The following SLC25A25 variants were observed in gnomAD, a reference collection of about 807,000 sequenced individuals.
The protein encoded by SLC25A25 is solute carrier family 25 member 25.
Under a neutral mutation model 57.7 loss-of-function variants are expected in SLC25A25, and 32 were observed. The ratio of observed to expected loss-of-function variants is 0.55; its 90% CI spans 0.42 to 0.74. SLC25A25 has a LOEUF of 0.74. SLC25A25 is among the 30% of genes least tolerant of loss of function. The pLI is 0.00. For synonymous variants in SLC25A25, 306 were observed against 291.2 expected (o/e 1.05, Z -0.52); for missense variants, 556 against 701.3 (o/e 0.79, Z 2.34).
At chr9:128,078,179 A>AG (rs1484273158) in intron 1 of SLC25A25, among the ~76,000 whole-genome samples, 3 of 152,120 alleles carry the variant, frequency 2.0e-5, no homozygotes, top group Admixed American at 6.6e-5. Context: ...CTACTGCATA[A>AG]GGGGGGTGTG....
At chr9:128,074,640 C>T (rs970004593) in intron 1 of SLC25A25, among the ~76,000 whole-genome samples, 12 of 151,930 alleles carry the variant, frequency 7.9e-5, no homozygotes, top group Non-Finnish European at 1.6e-4. Flanking sequence ...TCCCAGGAGA[C>T]GGAGGTTGCA....
At chr9:128,096,263 C>T (rs1030870102) in intron 1 of SLC25A25, among the ~76,000 whole-genome samples, 4 of 152,180 alleles carry the variant, frequency 2.6e-5, no homozygotes, top group African/African-American at 7.2e-5. Flanking sequence ...AATCCTAGCA[C>T]TTTGGGAGGC....
chr9:128,083,276 T>C (rs528265202), intron 1 of SLC25A25, among the ~76,000 whole-genome samples: 21 of 149,636 alleles, frequency 1.4e-4, no homozygotes, highest in African/African-American at 4.4e-4. Context: ...TTTGTTTTGG[T>C]TTGGGTTCTG....
chr9:128,107,257 C>T lies in SLC25A25; in HGVS notation c.1364-3C>T. On this transcript the variant is annotated splice_polypyrimidine_tract_variant and splice_region_variant and intron_variant, in intron 10 of 10. Coordinates refer to ENST00000373069, the MANE Select transcript of SLC25A25 (RefSeq NM_001330988.2). ...CATCTGACTGGTGGCCTCCATCCTGCAGCCTCTATTGAGGGCGCTCCGGAG... is the reference window on the plus strand; with the variant it reads ...CATCTGACTGGTGGCCTCCATCCTGTAGCCTCTATTGAGGGCGCTCCGGAG... 6.2e-7 allele frequency: 1 copy of T among 1,607,006 alleles called. No individual in the cohort carries two copies. Among genetic ancestry groups the T allele is most frequent in the East Asian group, 2.2e-5 (1 of 44,686 alleles).
intron 1 of SLC25A25, chr9:128,098,906 A>G (rs1833671763): frequency 5.1e-6 from 5 of 985,430 alleles, no homozygotes; most frequent in Non-Finnish European, 6.0e-6. Context: ...ACCGGTTTTC[A>G]TGTGACTTCC....
At chr9:128,081,958 C>A (rs1833165229) in intron 1 of SLC25A25, among the ~76,000 whole-genome samples, 1 of 152,058 alleles carries the variant, frequency 6.6e-6, no homozygotes, top group Admixed American at 6.6e-5. Context: ...CCAAGCAGAC[C>A]CTTGCTTCTG....
At chr9:128,072,246 A>G (rs1305481611) in intron 1 of SLC25A25, among the ~76,000 whole-genome samples, 2 of 152,234 alleles carry the variant, frequency 1.3e-5, no homozygotes, top group African/African-American at 2.4e-5. Context: ...TAGCATTAGT[A>G]TTAACTGCCT....
intron 1 of SLC25A25, chr9:128,091,843 C>G (rs1378914558): frequency 2.5e-6 from 4 of 1,586,130 alleles, no homozygotes; most frequent in South Asian, 1.1e-5. Flanking sequence ...TGAACAGTCG[C>G]CATCAGAGGC....
intron 1 of SLC25A25, among the ~76,000 whole-genome samples, chr9:128,079,536 A>T (rs963684934): frequency 2.0e-5 from 3 of 148,228 alleles, no homozygotes; most frequent in African/African-American, 7.5e-5. Context: ...AGGCAGGTGG[A>T]TCACTTGAGG....
In SLC25A25 at chr9:128,102,924, G is replaced by A. The variant is rs955349733; in HGVS notation, c.624+443G>A. Reference sequence around the variant, plus strand: ...ACACATTTGCTGCCCTCTCGCCCCCGTCCACTGTGGTTTCATGTTCAGAAA... The same window carrying A: ...ACACATTTGCTGCCCTCTCGCCCCCATCCACTGTGGTTTCATGTTCAGAAA... On this transcript the variant is annotated intron_variant, in intron 5 of 10. Coordinates refer to ENST00000373069, the MANE Select transcript of SLC25A25 (RefSeq NM_001330988.2). This position sits in a 1 kb window ranked among gnomAD's most constrained non-coding sequence, Gnocchi z 4.1. 1.3e-5 allele frequency among the ~76,000 whole-genome samples: 2 copies of A among 152,138 alleles called. No homozygotes were observed. Among genetic ancestry groups the A allele is most frequent in the African/African-American group, 2.4e-5 (1 of 41,416 alleles).
intron 1 of SLC25A25, among the ~76,000 whole-genome samples, chr9:128,087,678 C>G (rs540687265): frequency 1.5e-4 from 23 of 152,354 alleles, no homozygotes; most frequent in African/African-American, 5.1e-4. Context: ...TGGACTCCAG[C>G]TATGGGTGTT....
At position 128,101,416 on chromosome 9, in the gene SLC25A25, C is replaced by A. The variant is rs1347598262; in HGVS notation, c.476+20C>A. The A allele has an allele frequency of 6.2e-7, 1 of 1,613,202 alleles. No homozygotes were observed. The highest frequency in any genetic ancestry group is 1.7e-5 in the Admixed American group (1 of 59,962). ...CAAGAGGTGAGTGCTCAGCCAGCCT[C>A]TGTGTTTGGTTTAAGTGTGATGAAG... is the stretch of plus-strand genomic sequence containing the variant. On this transcript the variant is annotated intron_variant, in intron 3 of 10. Transcript: ENST00000373069. This position sits in a 1 kb window ranked among gnomAD's most constrained non-coding sequence, Gnocchi z 4.9.
chr9:128,108,937 AGTGAGGTGCCTCTCACTGT>A lies in SLC25A25; in HGVS notation c.*1495_*1513del, dbSNP rs1334167327. ...TTCACTCTTTTCTGAATGTCAAGGC[AGTGAGGTGCCTCTCACTGT>A]GAATTTGTGGTGGGCGGGGGCTGGA... On this transcript the variant is annotated 3_prime_UTR_variant, in exon 11 of 11. Transcript: ENST00000373069. 7.0e-6 allele frequency: 1 copy of A among 143,538 alleles called. No homozygotes were observed. Among genetic ancestry groups the A allele is most frequent in the Non-Finnish European group, 1.5e-5 (1 of 65,488 alleles). 8.9% of individuals were successfully genotyped at this position (143,538 alleles called of 1,614,324 possible). A position where few individuals can be genotyped will look rare whatever the true frequency, so the allele number is the denominator to read the frequency against.
At position 128,102,354 on chromosome 9, in the gene SLC25A25, C is replaced by T; in HGVS notation, c.513-16C>T. ...GGGCATGTGGGCACGTGGGCAGCCTCGCCTCTGTCTTGCAGCATGGATAAA... is the reference window on the plus strand; with the variant it reads ...GGGCATGTGGGCACGTGGGCAGCCTTGCCTCTGTCTTGCAGCATGGATAAA... On this transcript the variant is annotated splice_polypyrimidine_tract_variant and intron_variant, in intron 4 of 10. Coordinates refer to ENST00000373069, the MANE Select transcript of SLC25A25 (RefSeq NM_001330988.2). This position sits in a 1 kb window ranked among gnomAD's most constrained non-coding sequence, Gnocchi z 4.1. 7 of 1,606,404 alleles carry T rather than the reference C, an allele frequency of 4.4e-6. No homozygotes were observed. The highest frequency in any genetic ancestry group is 2.2e-5 in the East Asian group (1 of 44,830).
chr9:128,096,681 A>G (rs146093906), intron 1 of SLC25A25, among the ~76,000 whole-genome samples: 269 of 152,338 alleles, frequency 1.8e-3, no homozygotes, highest in Non-Finnish European at 2.9e-3. Flanking sequence ...CTGTTCATGA[A>G]GCACCTTATT....
At position 128,107,461 on chromosome 9, in the gene SLC25A25, C is replaced by G; in HGVS notation, c.*17C>G. On this transcript the variant is annotated 3_prime_UTR_variant, in exon 11 of 11. Transcript: ENST00000373069. ...TCGCGGTGACGGGGGGAGGGCCGCC[C>G]GGCAGTGGACTCGCTGATCCTGGGC... The G allele has an allele frequency of 6.6e-7, 1 of 1,503,800 alleles. No homozygotes were observed. The highest frequency in any genetic ancestry group is 2.3e-5 in the East Asian group (1 of 43,460). 93.2% of individuals were successfully genotyped at this position (1,503,800 alleles called of 1,614,324 possible). A position where few individuals can be genotyped will look rare whatever the true frequency, so the allele number is the denominator to read the frequency against.
intron 1 of SLC25A25, chr9:128,091,910 C>T (rs1168886389): frequency 6.2e-7 from 1 of 1,612,524 alleles, no homozygotes. Flanking sequence ...TAGCTTTTTC[C>T]CCAGGGCTGG....
At chr9:128,078,266 G>T (rs879268865) in intron 1 of SLC25A25, among the ~76,000 whole-genome samples, 1 of 152,114 alleles carries the variant, frequency 6.6e-6, no homozygotes, top group African/African-American at 2.4e-5. Context: ...TTCCCCATTG[G>T]TTCTTTGAAA....
chr9:128,085,766 C>T lies in SLC25A25; in HGVS notation c.262-15330C>T, dbSNP rs76593442. Among the ~76,000 whole-genome samples, 203 of 152,240 alleles carry T rather than the reference C, an allele frequency of 1.3e-3. 2 individuals carry two copies. The East Asian group carries it at 0.031, about 23-fold the overall frequency. On this transcript the variant is annotated intron_variant, in intron 1 of 10. Coordinates refer to ENST00000373069, the MANE Select transcript of SLC25A25 (RefSeq NM_001330988.2). ...AATTTTAATACATTGTGCTTTCTCA[C>T]CATTCAAAATACTTTCTAATTTCCT...
Sources: gnomAD v4.1 joint callset for allele counts (sites outside exome capture counted in the v4.1 genomes callset) on GRCh38, gnomAD v4.1.1 for gene constraint, Gnocchi (gnomAD v3.1) non-coding constraint, MANE v1.5 for transcripts, NCBI Gene and HGNC (gene_info 2026-07-23, HGNC 2026-07-21) for gene names.